Variants in NME7 observed in about 807,000 individuals in gnomAD.
The protein encoded by NME7 is nucleoside diphosphate kinase 7.
NME7 carries 41 observed loss-of-function variants against 49.1 expected under a neutral mutation model. The ratio of observed to expected loss-of-function variants is 0.83; its 90% CI spans 0.65 to 1.08. The LOEUF (loss-of-function observed/expected upper bound fraction) is 1.08, where lower values mean the gene tolerates loss of function less well. Among genes scored for constraint, NME7 ranks in the 50% least tolerant of loss-of-function variants. The pLI is 0.00. For synonymous variants in NME7, 139 were observed against 150.6 expected, an observed-to-expected ratio of 0.92 and a Z score of 0.56; for missense variants, 423 against 463.4, an observed-to-expected ratio of 0.91 and a Z score of 0.80.
intron 7 of NME7, among the ~76,000 whole-genome samples, chr1:169,238,488 C>CACACACAT (rs1211988612): frequency 1.5e-5 from 2 of 137,484 alleles, no homozygotes; most frequent in Non-Finnish European, 3.3e-5. Flanking sequence ...CACACACACA[C>CACACACAT]ACACACACAC....
intron 3 of NME7, among the ~76,000 whole-genome samples, chr1:169,312,467 G>C (rs1651433167): frequency 6.6e-6 from 1 of 152,186 alleles, no homozygotes; most frequent in African/African-American, 2.4e-5. Flanking sequence ...GGCAAGCACT[G>C]TAAGATGCAG....
chr1:169,257,372 C>T (rs1204839639), intron 7 of NME7, among the ~76,000 whole-genome samples: 1 of 134,708 alleles, frequency 7.4e-6, no homozygotes, highest in Non-Finnish European at 1.7e-5. Context: ...AAAGGGAACT[C>T]CCTGACCCCT....
chr1:169,302,970 T>C (rs1651006451), intron 5 of NME7, 175 bp downstream of exon 5: 1 of 404,056 alleles, frequency 2.5e-6, no homozygotes, highest in South Asian at 7.5e-5. Context: ...AATATAGGAA[T>C]TCTTACTTAA....
At chr1:169,279,230 GA>G (rs1428672147) in intron 7 of NME7, among the ~76,000 whole-genome samples, 1 of 152,214 alleles carries the variant, frequency 6.6e-6, no homozygotes, top group East Asian at 1.9e-4. Context: ...GTCAGACAGG[GA>G]CATTTAAGTC....
chr1:169,332,380 T>C (rs1006120810), intron 1 of NME7, among the ~76,000 whole-genome samples: 1 of 152,140 alleles, frequency 6.6e-6, no homozygotes, highest in African/African-American at 2.4e-5. Flanking sequence ...CAAGAAAACA[T>C]GGGAGAAAAT....
intron 11 of NME7, chr1:169,169,125 T>C: frequency 2.2e-6 from 1 of 450,818 alleles, no homozygotes; most frequent in Non-Finnish European, 4.3e-6. Context: ...AATTTGGTCT[T>C]TCAAAGTTGC....
At chr1:169,197,295 T>C (rs1379577135) in intron 10 of NME7, among the ~76,000 whole-genome samples, 2 of 152,166 alleles carry the variant, frequency 1.3e-5, no homozygotes, top group East Asian at 3.9e-4. Flanking sequence ...AATTTATTTA[T>C]GAAATTTCTA....
At position 169,244,023 on chromosome 1, in the gene NME7, C is replaced by CAATT. The variant is rs141050588; in HGVS notation, c.755-6340_755-6337dup. Reference sequence around the variant, plus strand: ...ATTTAGTTGGCATATGTATGTACCTCAATTAAATAATTTATGTATATGCAA... The same window carrying CAATT: ...ATTTAGTTGGCATATGTATGTACCTCAATTAATTAAATAATTTATGTATATGCAA... On this transcript the variant is annotated intron_variant, in intron 7 of 11. Coordinates refer to ENST00000367811, the MANE Select transcript of NME7 (RefSeq NM_013330.5). Among the ~76,000 whole-genome samples, 7 of 151,248 alleles carry CAATT rather than the reference C, an allele frequency of 4.6e-5. No homozygotes were observed. The South Asian group carries it at 8.3e-4, about 18-fold the overall frequency.
At chr1:169,173,878 T>C (rs1659675252) in intron 10 of NME7, among the ~76,000 whole-genome samples, 1 of 152,222 alleles carries the variant, frequency 6.6e-6, no homozygotes, top group South Asian at 2.1e-4. Flanking sequence ...TCTAATACCA[T>C]AAATAATTCT....
At chr1:169,203,806 A>G (rs1283408256) in intron 10 of NME7, among the ~76,000 whole-genome samples, 2 of 152,106 alleles carry the variant, frequency 1.3e-5, no homozygotes, top group East Asian at 3.9e-4. Context: ...AGGAGTAGGT[A>G]TAATGAGATG....
At chr1:169,366,882 G>A (rs1653884218) in intron 1 of NME7, among the ~76,000 whole-genome samples, 2 of 150,942 alleles carry the variant, frequency 1.3e-5, no homozygotes, top group African/African-American at 4.9e-5. Flanking sequence ...GGTGGGTGAG[G>A]GCTCTGTTTC....
chr1:169,135,513 A>G (rs1370869758), intron 11 of NME7, among the ~76,000 whole-genome samples: 1 of 152,222 alleles, frequency 6.6e-6, no homozygotes, highest in East Asian at 1.9e-4. Context: ...GGAACAGACA[A>G]TAGCAGTTTT....
At chr1:169,187,364 T>C (rs575500819) in intron 10 of NME7, among the ~76,000 whole-genome samples, 4 of 152,116 alleles carry the variant, frequency 2.6e-5, no homozygotes, top group Non-Finnish European at 5.9e-5. Context: ...CTCCCACTAT[T>C]ATTGTGTGGG....
intron 10 of NME7, among the ~76,000 whole-genome samples, chr1:169,177,725 C>G (rs1659793824): frequency 6.6e-6 from 1 of 152,168 alleles, no homozygotes; most frequent in Non-Finnish European, 1.5e-5. Context: ...CCCCTTCCAA[C>G]TTTTCAAACT....
chr1:169,147,738 A>G (rs145514426), intron 11 of NME7, among the ~76,000 whole-genome samples: 5 of 152,378 alleles, frequency 3.3e-5, no homozygotes, highest in East Asian at 1.9e-4. Flanking sequence ...CATTTGCCCA[A>G]TATGAGATTT....
intron 7 of NME7, among the ~76,000 whole-genome samples, chr1:169,240,059 A>C (rs113980076): frequency 1.3e-5 from 2 of 151,960 alleles, no homozygotes; most frequent in African/African-American, 4.8e-5. Flanking sequence ...TATTTATTAT[A>C]ATATAAGTTA....
chr1:169,328,093 C>G lies in NME7; in HGVS notation c.4-3593G>C, dbSNP rs572901545. 4.5e-4 allele frequency among the ~76,000 whole-genome samples: 69 copies of G among 152,218 alleles called. 1 individual carries two copies. Among genetic ancestry groups the G allele is most frequent in the Admixed American group, 1.2e-3 (19 of 15,278 alleles). On this transcript the variant is annotated intron_variant, in intron 1 of 11. Coordinates refer to ENST00000367811, the MANE Select transcript of NME7 (RefSeq NM_013330.5). ...CACCAATCTGATAAGTCTGCTGCTGCTGGTGCTACTGCTGCTATCATTTGC... is the reference window on the plus strand; with the variant it reads ...CACCAATCTGATAAGTCTGCTGCTGGTGGTGCTACTGCTGCTATCATTTGC...
chr1:169,349,868 G>T (rs976953186), intron 1 of NME7, among the ~76,000 whole-genome samples: 3 of 152,124 alleles, frequency 2.0e-5, no homozygotes, highest in Non-Finnish European at 4.4e-5. Context: ...TTCTAAGCAA[G>T]CTATTACTGA....
chr1:169,177,492 T>C (rs1209273394), intron 10 of NME7, among the ~76,000 whole-genome samples: 2 of 152,022 alleles, frequency 1.3e-5, no homozygotes, highest in Non-Finnish European at 1.5e-5. Context: ...TAAGAGAAAA[T>C]GCAAAATTCT....
Sources: gnomAD v4.1 joint callset for allele counts (sites outside exome capture counted in the v4.1 genomes callset) on GRCh38, gnomAD v4.1.1 for gene constraint, MANE v1.5 for transcripts, NCBI Gene and HGNC (gene_info 2026-07-23, HGNC 2026-07-21) for gene names.